The following NXPE2 variants were observed in gnomAD, a reference collection of about 807,000 sequenced individuals.
NXPE2 encodes the protein NXPE family member 2.
In NXPE2, 34 loss-of-function variants were observed where a neutral mutation model predicts 34.4. That is an observed-to-expected ratio of 0.99 (90% CI 0.75 to 1.31). NXPE2 has a LOEUF of 1.31. Ranked by LOEUF, NXPE2 falls within the 40% of genes most tolerant of loss-of-function variation. NXPE2 has a pLI of 0.00. For missense variants in NXPE2, 649 were observed against 672.5 expected (o/e 0.97, Z 0.39); for synonymous variants, 235 against 231.3 (o/e 1.02, Z -0.15).
At chr11:114,585,147 G>A in the NXPE2 span, among the ~76,000 whole-genome samples, 1 of 151,732 alleles carries the variant, frequency 6.6e-6, no homozygotes, top group South Asian at 2.1e-4. Flanking sequence ...CTGGCCTCAA[G>A]TGAGCCAAAA....
chr11:114,619,833 C>T, the NXPE2 span, among the ~76,000 whole-genome samples: 6 of 151,876 alleles, frequency 4.0e-5, no homozygotes, highest in African/African-American at 1.5e-4. Context: ...TAAGTGTTGC[C>T]TCGTTGGTAA....
chr11:114,525,466 A>T, the NXPE2 span, among the ~76,000 whole-genome samples: 1 of 152,158 alleles, frequency 6.6e-6, no homozygotes, highest in Non-Finnish European at 1.5e-5. Context: ...TGGTAGCATT[A>T]TCTGCAGAGC....
the NXPE2 span, among the ~76,000 whole-genome samples, chr11:114,623,934 C>T: frequency 6.7e-6 from 1 of 149,358 alleles, no homozygotes; most frequent in South Asian, 2.1e-4. Flanking sequence ...ATAATAAGAA[C>T]GACCTCTGGG....
At chr11:114,654,114 A>G in the NXPE2 span, among the ~76,000 whole-genome samples, 4 of 152,170 alleles carry the variant, frequency 2.6e-5, no homozygotes, top group Non-Finnish European at 4.4e-5. Context: ...GTTGGAAAGT[A>G]GACCCCACAG....
the NXPE2 span, among the ~76,000 whole-genome samples, chr11:114,617,110 G>A: frequency 4.0e-5 from 6 of 151,898 alleles, no homozygotes; most frequent in East Asian, 2.0e-4. Context: ...GTGTTGCCTC[G>A]TGGGTAACCA....
At chr11:114,567,914 C>T in the NXPE2 span, among the ~76,000 whole-genome samples, 1 of 151,986 alleles carries the variant, frequency 6.6e-6, no homozygotes, top group South Asian at 2.1e-4. Flanking sequence ...GGCTATATGT[C>T]AGTCATTTTT....
the NXPE2 span, among the ~76,000 whole-genome samples, chr11:114,611,815 T>C: frequency 6.6e-6 from 1 of 151,930 alleles, no homozygotes; most frequent in Non-Finnish European, 1.5e-5. Context: ...GGGAAACCAC[T>C]GTTACCCGGT....
At chr11:114,756,043 A>G in the NXPE2 span, among the ~76,000 whole-genome samples, 1 of 152,244 alleles carries the variant, frequency 6.6e-6, no homozygotes, top group South Asian at 2.1e-4. Context: ...AGTACATCAG[A>G]GACAGGTCCC....
chr11:114,670,614 C>T, the NXPE2 span, among the ~76,000 whole-genome samples: 3 of 151,908 alleles, frequency 2.0e-5, no homozygotes, highest in African/African-American at 7.3e-5. Flanking sequence ...ATCACTTGAA[C>T]CCAGGAGTTC....
the NXPE2 span, among the ~76,000 whole-genome samples, chr11:114,607,050 G>C: frequency 1.3e-5 from 2 of 151,958 alleles, no homozygotes; most frequent in Admixed American, 1.3e-4. Flanking sequence ...AATAAGTATT[G>C]CCTCGTGGGT....
At chr11:114,557,720 A>G in the NXPE2 span, among the ~76,000 whole-genome samples, 2 of 139,674 alleles carry the variant, frequency 1.4e-5, no homozygotes, top group Admixed American at 7.5e-5. Flanking sequence ...CTTCTTTTTC[A>G]TTCTTCTTTG....
the NXPE2 span, among the ~76,000 whole-genome samples, chr11:114,631,844 GATA>G: frequency 3.6e-4 from 55 of 151,030 alleles, 1 homozygote; most frequent in South Asian, 2.1e-4. Context: ...TTACCCGGTG[GATA>G]ATAAGTATTG....
the NXPE2 span, among the ~76,000 whole-genome samples, chr11:114,596,832 A>T: frequency 6.6e-6 from 1 of 152,196 alleles, no homozygotes; most frequent in Admixed American, 6.5e-5. Flanking sequence ...ATAGATTTTG[A>T]AATCTAATGT....
At chr11:114,589,955 C>T in the NXPE2 span, among the ~76,000 whole-genome samples, 250 of 152,282 alleles carry the variant, frequency 1.6e-3, 1 homozygote, top group African/African-American at 5.7e-3. Flanking sequence ...CCTGAGGGAA[C>T]TAAATGGTTT....
chr11:114,533,692 C>G, the NXPE2 span, among the ~76,000 whole-genome samples: 1 of 152,220 alleles, frequency 6.6e-6, no homozygotes, highest in East Asian at 1.9e-4. Context: ...TCATTGCTAG[C>G]ACAGCAATCT....
At chr11:114,789,700 C>A in the NXPE2 span, among the ~76,000 whole-genome samples, 1 of 152,194 alleles carries the variant, frequency 6.6e-6, no homozygotes, top group Non-Finnish European at 1.5e-5. Context: ...CTTCAGTGAA[C>A]CCTGAAGGGC....
chr11:114,790,727 A>G, the NXPE2 span, among the ~76,000 whole-genome samples: 1 of 152,298 alleles, frequency 6.6e-6, no homozygotes, highest in African/African-American at 2.4e-5. Flanking sequence ...GCTTTGTGCC[A>G]GGTCTCGAAG....
chr11:114,695,188 G>T (rs79123421), intron 2 of NXPE2, among the ~76,000 whole-genome samples: 20 of 152,032 alleles, frequency 1.3e-4, no homozygotes, highest in African/African-American at 4.8e-4. Flanking sequence ...TTCATCCTTG[G>T]GTGTTTCTAG....
chr11:114,629,445 A>G, the NXPE2 span, among the ~76,000 whole-genome samples: 3 of 151,838 alleles, frequency 2.0e-5, no homozygotes, highest in South Asian at 6.3e-4. Flanking sequence ...ATAGATGCAG[A>G]AAAGGCCTTT....
Sources: gnomAD v4.1 joint callset for allele counts (sites outside exome capture counted in the v4.1 genomes callset) on GRCh38, gnomAD v4.1.1 for gene constraint, MANE v1.5 for transcripts, NCBI Gene and HGNC (gene_info 2026-07-23, HGNC 2026-07-21) for gene names.